Variants in RBM33 observed in about 807,000 individuals in gnomAD.
The protein encoded by RBM33 is RNA binding motif protein 33.
Under a neutral mutation model 132.6 loss-of-function variants are expected in RBM33, and 28 were observed. That is an observed-to-expected ratio of 0.21 (90% CI 0.16 to 0.29). The LOEUF (loss-of-function observed/expected upper bound fraction) is 0.29. Among genes scored for constraint, RBM33 ranks in the 10% least tolerant of loss-of-function variants. RBM33 has a pLI of 1.00. For missense variants in RBM33, 1,291 were observed against 1,518.5 expected (o/e 0.85, Z 2.49); for synonymous variants, 634 against 593.0 (o/e 1.07, Z -1.01).
intron 1 of RBM33, among the ~76,000 whole-genome samples, chr7:155,657,752 A>G (rs1585401761): frequency 6.6e-6 from 1 of 152,222 alleles, no homozygotes; most frequent in Admixed American, 6.5e-5. Flanking sequence ...TTAATGAGAA[A>G]AAAGTCACAA....
intron 8 of RBM33, 119 bp downstream of exon 8, chr7:155,711,574 C>A: frequency 1.8e-6 from 1 of 563,132 alleles, no homozygotes; most frequent in Non-Finnish European, 2.9e-6. Flanking sequence ...AGTATGCGTT[C>A]AGAAGAAATC....
chr7:155,755,735 T>G (rs1028583870), intron 14 of RBM33, among the ~76,000 whole-genome samples: 4 of 152,226 alleles, frequency 2.6e-5, no homozygotes, highest in African/African-American at 9.6e-5. Context: ...CAGGAAGCCC[T>G]GACAATATCA....
At chr7:155,671,775 T>C (rs1283341262) in intron 2 of RBM33, among the ~76,000 whole-genome samples, 3 of 152,236 alleles carry the variant, frequency 2.0e-5, no homozygotes, top group Admixed American at 6.5e-5. Flanking sequence ...TTCCTCTTTG[T>C]ATATTTCTGT....
chr7:155,763,842 G>T lies in RBM33; in HGVS notation c.3010G>T (p.Glu1004Ter). 1 of 1,611,982 alleles carries T rather than the reference G, an allele frequency of 6.2e-7. No homozygotes were observed. Among genetic ancestry groups the T allele is most frequent in the East Asian group, 2.2e-5 (1 of 44,812 alleles). Residue 1004 changes from glutamate to a stop codon, truncating the protein, a stop_gained, in exon 15 of 18, where the codon GAA (glutamate) becomes TAA (stop). Coordinates refer to ENST00000401878, the MANE Select transcript of RBM33 (RefSeq NM_053043.3). LOFTEE classifies it high-confidence loss of function. ...GGESDGFFHPEGQPQRLPQPP... is the reference protein window; with the variant it reads ...GGESDGFFHP ...AGAGAGCGATGGCTTTTTTCACCCA[G>T]AAGGCCAGCCCCAGCGGCTTCCCCA...
chr7:155,712,879 A>G (rs1025699506), intron 8 of RBM33, among the ~76,000 whole-genome samples: 1 of 152,198 alleles, frequency 6.6e-6, no homozygotes, highest in African/African-American at 2.4e-5. Context: ...GAGCAGAGGA[A>G]TGACGTGACC....
At chr7:155,703,814 A>G (rs1305930022) in intron 6 of RBM33, among the ~76,000 whole-genome samples, 1 of 152,254 alleles carries the variant, frequency 6.6e-6, no homozygotes, top group East Asian at 1.9e-4. Flanking sequence ...CCTAGAGATC[A>G]AAATAAAAAA....
chr7:155,745,266 C>G lies in RBM33; in HGVS notation c.2643C>G (p.Val881=). ...GACTTCTTGTTAAAAACCAGGATGT[C>G]AGTATTTCAAACGTTCAGCCCAAAA... ...KNRLLVKNQD[V]SISNVQPKTS... The change falls in exon 14 of 18, where the codon GTC becomes GTG. Residue 881 remains valine (V), a synonymous_variant. Transcript: ENST00000401878. The surrounding 1 kb of genome is among the most constrained non-coding windows in gnomAD (Gnocchi z 4.1). The G allele has an allele frequency of 6.2e-7, 1 of 1,612,814 alleles. No individual in the cohort carries two copies. Among genetic ancestry groups the G allele is most frequent in the Non-Finnish European group, 8.5e-7 (1 of 1,179,386 alleles).
chr7:155,673,546 A>G (rs1157465630), intron 3 of RBM33, among the ~76,000 whole-genome samples: 8 of 81,938 alleles, frequency 9.8e-5, no homozygotes, highest in Admixed American at 2.1e-4. Flanking sequence ...ATACATACAC[A>G]CGTGTATATA....
intron 1 of RBM33, among the ~76,000 whole-genome samples, chr7:155,657,302 A>T (rs914231168): frequency 1.3e-4 from 20 of 152,170 alleles, no homozygotes; most frequent in Non-Finnish European, 2.8e-4. Flanking sequence ...GCTGATGCAC[A>T]GTGTGAGATG....
intron 5 of RBM33, among the ~76,000 whole-genome samples, chr7:155,700,383 G>T (rs1327395700): frequency 6.6e-6 from 1 of 152,112 alleles, no homozygotes; most frequent in East Asian, 1.9e-4. Flanking sequence ...TAAACTCATA[G>T]AACTTTAGTG....
At chr7:155,647,706 C>T (rs1278536757) in intron 1 of RBM33, among the ~76,000 whole-genome samples, 1 of 152,160 alleles carries the variant, frequency 6.6e-6, no homozygotes, top group Admixed American at 6.5e-5. Context: ...TTACGTGAGC[C>T]ACCATGCCTT....
chr7:155,733,548 G>A (rs1801020509), intron 9 of RBM33, among the ~76,000 whole-genome samples: 1 of 152,198 alleles, frequency 6.6e-6, no homozygotes, highest in Non-Finnish European at 1.5e-5. Flanking sequence ...CGACAGTGGT[G>A]ACAGTGTCAT....
In RBM33 at chr7:155,673,687, T is replaced by TATACATACACACGTGTATATATAC. The variant is rs1563137809; in HGVS notation, c.171+773_171+774insTACATACACACGTGTATATATACA. Among the ~76,000 whole-genome samples, 351 of 125,456 alleles carry TATACATACACACGTGTATATATAC rather than the reference T, an allele frequency of 2.8e-3. 70 individuals carry two copies. The highest frequency in any genetic ancestry group is 0.011 in the African/African-American group (329 of 29,572). 82.3% of individuals were successfully genotyped at this position (125,456 alleles called of 152,430 possible). ...ATATACATACACACGTGTATATATA[T>TATACATACACACGTGTATATATAC]ACACACATATATACATACACACGTG... On this transcript the variant is annotated intron_variant, in intron 3 of 17. Transcript: ENST00000401878.
chr7:155,748,860 C>T (rs1223889170), intron 14 of RBM33, among the ~76,000 whole-genome samples: 7 of 151,928 alleles, frequency 4.6e-5, no homozygotes, highest in Non-Finnish European at 1.0e-4. Flanking sequence ...GTTTCTTACA[C>T]GATTGTGTTG....
chr7:155,766,882 C>T (rs2117074072), intron 16 of RBM33: 1 of 558,648 alleles, frequency 1.8e-6, no homozygotes, highest in South Asian at 2.3e-5. Context: ...AAATAAATAC[C>T]CCAGCTGAAC....
intron 1 of RBM33, among the ~76,000 whole-genome samples, chr7:155,646,448 CAA>C (rs1386899892): frequency 6.6e-6 from 1 of 152,162 alleles, no homozygotes; most frequent in Non-Finnish European, 1.5e-5. Context: ...TCACAAGTGC[CAA>C]AGTTTCCTTT....
intron 2 of RBM33, among the ~76,000 whole-genome samples, chr7:155,668,714 C>CT (rs1798865803): frequency 1.3e-5 from 2 of 152,126 alleles, no homozygotes; most frequent in African/African-American, 4.8e-5. Flanking sequence ...CTGTTGTTTA[C>CT]CAAGTTTCAA....
At position 155,738,228 on chromosome 7, in the gene RBM33, T is replaced by C. The variant is rs368291874; in HGVS notation, c.1562T>C (p.Val521Ala). The C allele has an allele frequency of 1.2e-6, 2 of 1,613,996 alleles. No individual in the cohort carries two copies. Among genetic ancestry groups the C allele is most frequent in the South Asian group, 1.1e-5 (1 of 91,084 alleles). Residue 521 changes from valine to alanine, a missense_variant, in exon 11 of 18, where the codon GTG becomes GCG. By Grantham distance (64) the Val-to-Ala change is moderately conservative. This residue lies in a region of RBM33 where 841 missense variants were observed against 912.0 expected (regional missense o/e 0.92). Transcript: ENST00000401878. ...PAFNQQGQQPVFPRERPVRPA... is the reference protein window; with the variant it reads ...PAFNQQGQQPAFPRERPVRPA... ...TTTAATCAGCAAGGACAGCAGCCAG[T>C]GTTCCCAAGAGAGCGGCCCGTACGA...
intron 7 of RBM33, among the ~76,000 whole-genome samples, chr7:155,708,939 T>C (rs931556514): frequency 1.3e-5 from 2 of 152,038 alleles, no homozygotes; most frequent in Non-Finnish European, 2.9e-5. Flanking sequence ...GTTGGCTCTT[T>C]CCTGCCTGGA....
Sources: allele counts gnomAD v4.1 joint callset (sites outside exome capture counted in the v4.1 genomes callset), GRCh38; gene constraint gnomAD v4.1.1; regional missense constraint gnomAD v4.1.1; non-coding constraint Gnocchi (gnomAD v3.1); transcripts MANE v1.5; gene names NCBI Gene and HGNC (gene_info 2026-07-23, HGNC 2026-07-21).